The following CCSER2 variants were observed in gnomAD, a reference collection of about 807,000 sequenced individuals.
The protein encoded by CCSER2 is coiled-coil serine rich protein 2, also known as serine-rich coiled-coil domain-containing protein 2.
A neutral mutation model predicts 92.3 loss-of-function variants in CCSER2; 46 were observed. The observed-to-expected ratio is 0.50, with a 90% CI of 0.39 to 0.64. The LOEUF is 0.64. Ranked by LOEUF, CCSER2 falls within the 30% of genes least tolerant of loss-of-function variation. The pLI is 0.00. For synonymous variants in CCSER2, 433 were observed against 431.4 expected (o/e 1.00, Z -0.04); for missense variants, 1,244 against 1,238.9 (o/e 1.00, Z -0.06).
intron 5 of CCSER2, among the ~76,000 whole-genome samples, chr10:84,434,543 A>T (rs1336327100): frequency 6.6e-6 from 1 of 152,214 alleles, no homozygotes; most frequent in Non-Finnish European, 1.5e-5. Context: ...TGCAAAGCAA[A>T]TGTGTCAATA....
chr10:84,474,871 G>C (rs1847044019), intron 8 of CCSER2, among the ~76,000 whole-genome samples: 1 of 152,078 alleles, frequency 6.6e-6, no homozygotes, highest in African/African-American at 2.4e-5. Context: ...CTAACTAAAA[G>C]TGATTTTAAA....
At chr10:84,331,942 A>G (rs1368781256) in intron 1 of CCSER2, among the ~76,000 whole-genome samples, 2 of 152,146 alleles carry the variant, frequency 1.3e-5, no homozygotes, top group African/African-American at 2.4e-5. Context: ...ATTGTTTACT[A>G]TTTTGCAGAT....
intron 6 of CCSER2, 47 bp from the exon 7 acceptor site, chr10:84,463,886 A>G (rs1262264568): frequency 7.8e-7 from 1 of 1,287,856 alleles, no homozygotes; most frequent in African/African-American, 1.5e-5. Flanking sequence ...CTGAATGTCC[A>G]CAATTACTAT....
At chr10:84,360,877 A>G (rs1471139031) in intron 1 of CCSER2, among the ~76,000 whole-genome samples, 1 of 152,208 alleles carries the variant, frequency 6.6e-6, no homozygotes, top group Non-Finnish European at 1.5e-5. Context: ...ACATATTATC[A>G]TAATTACTTT....
intron 3 of CCSER2, among the ~76,000 whole-genome samples, chr10:84,401,366 C>A (rs952328309): frequency 3.9e-5 from 6 of 151,994 alleles, no homozygotes; most frequent in African/African-American, 1.4e-4. Context: ...AAAAAGATAC[C>A]GCTACAAACT....
At chr10:84,416,916 G>A (rs942609390) in intron 3 of CCSER2, among the ~76,000 whole-genome samples, 6 of 152,104 alleles carry the variant, frequency 3.9e-5, no homozygotes, top group Admixed American at 1.3e-4. Flanking sequence ...GGGTGACAGC[G>A]AGACTCCGTC....
chr10:84,441,820 G>A (rs942720781), intron 6 of CCSER2, among the ~76,000 whole-genome samples: 1 of 128,864 alleles, frequency 7.8e-6, no homozygotes, highest in African/African-American at 3.0e-5. Context: ...GCAGTGGCGC[G>A]ATCTCGGCTC....
At chr10:84,391,093 C>T (rs565363806) in intron 3 of CCSER2, 19 of 780,676 alleles carry the variant, frequency 2.4e-5, no homozygotes, top group South Asian at 2.4e-4. Context: ...AATGCCTCCA[C>T]TGACCCAGAA....
chr10:84,478,707 T>G (rs986432915), intron 9 of CCSER2, among the ~76,000 whole-genome samples: 1 of 152,172 alleles, frequency 6.6e-6, no homozygotes, highest in Non-Finnish European at 1.5e-5. Context: ...ATTCCTCTGT[T>G]TATAAGTACT....
intron 1 of CCSER2, among the ~76,000 whole-genome samples, chr10:84,339,733 C>T (rs963293688): frequency 6.6e-6 from 1 of 152,162 alleles, no homozygotes; most frequent in African/African-American, 2.4e-5. Context: ...CCTTGGCCTC[C>T]CAAAGTGCTG....
chr10:84,386,491 C>T (rs913918487), intron 3 of CCSER2, among the ~76,000 whole-genome samples: 11 of 152,166 alleles, frequency 7.2e-5, no homozygotes, highest in East Asian at 1.9e-4. Flanking sequence ...CTGAGGCAGG[C>T]GGATCACTTG....
chr10:84,409,232 C>A (rs1842523639), intron 3 of CCSER2, among the ~76,000 whole-genome samples: 1 of 152,112 alleles, frequency 6.6e-6, no homozygotes, highest in Non-Finnish European at 1.5e-5. Context: ...CTCAGGTGAT[C>A]TGCCCGCCGT....
At chr10:84,372,671 T>C (rs928743072) in intron 2 of CCSER2, among the ~76,000 whole-genome samples, 1 of 152,140 alleles carries the variant, frequency 6.6e-6, no homozygotes, top group Non-Finnish European at 1.5e-5. Flanking sequence ...AAGACAATAT[T>C]AATAAAACCA....
chr10:84,514,288 A>C lies in CCSER2; in HGVS notation c.*21A>C. 1 of 1,482,380 alleles carries C rather than the reference A, an allele frequency of 6.7e-7. No individual in the cohort carries two copies. The highest frequency in any genetic ancestry group is 1.2e-5 in the South Asian group (1 of 80,770). The allele number at this position is 1,482,380 out of a possible 1,614,324, so 91.8% of individuals were successfully genotyped here. A position where few individuals can be genotyped will look rare whatever the true frequency, so the allele number is the denominator to read the frequency against. On this transcript the variant is annotated 3_prime_UTR_variant, in exon 10 of 10. Transcript: ENST00000372088. ...ATTAAGTACATAGCCATCACCTGCC[A>C]ATTTGTTTCTTAAAAACAATCTCTT...
At chr10:84,391,199 A>T in intron 3 of CCSER2, 1 of 964,738 alleles carries the variant, frequency 1.0e-6, no homozygotes, top group Non-Finnish European at 1.7e-6. Flanking sequence ...TTTCTTCCAT[A>T]CTGTGAACCT....
At chr10:84,392,799 C>T (rs557457384) in intron 3 of CCSER2, among the ~76,000 whole-genome samples, 10 of 152,080 alleles carry the variant, frequency 6.6e-5, no homozygotes, top group Admixed American at 2.6e-4. Flanking sequence ...CTTGGTATAT[C>T]AAACTAAAGA....
chr10:84,370,755 G>C (rs967425992), intron 1 of CCSER2, among the ~76,000 whole-genome samples: 5 of 152,138 alleles, frequency 3.3e-5, no homozygotes, highest in African/African-American at 1.2e-4. Flanking sequence ...GTCAAATTTG[G>C]TGGTTTAATT....
rs1187303667 is a variant in CCSER2 at position 84,332,436 on chromosome 10, ATT to A, written c.-40+3648_-40+3649del. 2.6e-3 allele frequency among the ~76,000 whole-genome samples: 145 copies of A among 55,184 alleles called. 2 individuals are homozygous for A. The highest frequency in any genetic ancestry group is 5.4e-3 in the Admixed American group (15 of 2,786). The allele number at this position is 55,184 out of a possible 152,430, so 36.2% of individuals were successfully genotyped here. On this transcript the variant is annotated intron_variant, in intron 1 of 9. Transcript: ENST00000372088. ...TTTATATATATATATATATATATAT[ATT>A]TTTTTTTTTTTTTTTTTTTGAGACA...
At chr10:84,484,501 G>GTA (rs752345917) in intron 9 of CCSER2, among the ~76,000 whole-genome samples, 4 of 152,036 alleles carry the variant, frequency 2.6e-5, no homozygotes, top group Non-Finnish European at 4.4e-5. Flanking sequence ...GTGTGTGTGT[G>GTA]TGTGTGTGTG....
Sources: allele counts gnomAD v4.1 joint callset (sites outside exome capture counted in the v4.1 genomes callset), GRCh38; gene constraint gnomAD v4.1.1; transcripts MANE v1.5; gene names NCBI Gene and HGNC (gene_info 2026-07-23, HGNC 2026-07-21).